Variants in GPC6 observed in about 807,000 individuals in gnomAD.
GPC6 encodes glypican 6, also known as glypican-6.
GPC6 carries 14 observed loss-of-function variants against 55.2 expected under a neutral mutation model. The ratio of observed to expected loss-of-function variants is 0.25; its 90% CI spans 0.17 to 0.40. The LOEUF is 0.40. GPC6 is among the 10% of genes least tolerant of loss of function. GPC6 has a pLI of 1.00. For synonymous variants in GPC6, 278 were observed against 259.6 expected, an observed-to-expected ratio of 1.07 and a Z score of -0.68; for missense variants, 641 against 708.5, an observed-to-expected ratio of 0.90 and a Z score of 1.08.
chr13:93,738,867 T>C (rs1180944880), intron 2 of GPC6, among the ~76,000 whole-genome samples: 1 of 152,100 alleles, frequency 6.6e-6, no homozygotes, highest in Non-Finnish European at 1.5e-5. Context: ...ACATAAAACC[T>C]GTTTTTGTTT....
At chr13:94,138,830 A>G (rs1307913078) in intron 4 of GPC6, among the ~76,000 whole-genome samples, 2 of 152,156 alleles carry the variant, frequency 1.3e-5, no homozygotes, top group African/African-American at 4.8e-5. Context: ...AGTACCTAAC[A>G]GGTACCCAAT....
chr13:93,670,457 C>G (rs1594358326), intron 2 of GPC6, among the ~76,000 whole-genome samples: 2 of 152,132 alleles, frequency 1.3e-5, no homozygotes. Context: ...TATTAATCAT[C>G]TGGCATCATA....
At chr13:93,503,733 A>G (rs1880607337) in intron 1 of GPC6, among the ~76,000 whole-genome samples, 1 of 152,302 alleles carries the variant, frequency 6.6e-6, no homozygotes, top group South Asian at 2.1e-4. Flanking sequence ...TGAGTGGTAC[A>G]GCATTGACGG....
chr13:93,308,050 C>A (rs1406253646), intron 1 of GPC6, among the ~76,000 whole-genome samples: 1 of 152,038 alleles, frequency 6.6e-6, no homozygotes, highest in African/African-American at 2.4e-5. Context: ...TTTGGGAGGC[C>A]GAGGTGGGCG....
intron 6 of GPC6, among the ~76,000 whole-genome samples, chr13:94,328,481 G>A (rs1329543519): frequency 6.6e-6 from 1 of 152,166 alleles, no homozygotes; most frequent in South Asian, 2.1e-4. Flanking sequence ...GGGGATGCTG[G>A]AACAAAGCTT....
At chr13:93,841,865 T>A (rs1235502056) in intron 3 of GPC6, among the ~76,000 whole-genome samples, 2 of 152,194 alleles carry the variant, frequency 1.3e-5, no homozygotes. Flanking sequence ...AACTTTTCTA[T>A]GTTAATTTTG....
chr13:93,307,832 T>C, intron 1 of GPC6, among the ~76,000 whole-genome samples: 1 of 152,182 alleles, frequency 6.6e-6, no homozygotes, highest in East Asian at 1.9e-4. Context: ...AGAGTGAATG[T>C]AAAGTGTTCT....
rs529668141 is a variant in GPC6 at position 93,759,111 on chromosome 13, G to A, written c.320-71043G>A. ...AGGATCTCCTCTGGCAGATAAGTCT[G>A]TCTTACCTCCCAGAGAGGCAATGTC... On this transcript the variant is annotated intron_variant, in intron 2 of 8. Transcript: ENST00000377047. Among the ~76,000 whole-genome samples the A allele has an allele frequency of 2.6e-5, 4 of 152,212 alleles. No homozygotes were observed. The South Asian group carries it at 8.3e-4, about 32-fold the overall frequency.
At chr13:93,506,515 T>G (rs1286573683) in intron 1 of GPC6, among the ~76,000 whole-genome samples, 1 of 152,120 alleles carries the variant, frequency 6.6e-6, no homozygotes, top group Non-Finnish European at 1.5e-5. Context: ...ATATGTACTT[T>G]CCTTTCCCTG....
chr13:93,542,818 C>T (rs879187121), intron 1 of GPC6, among the ~76,000 whole-genome samples: 1 of 152,082 alleles, frequency 6.6e-6, no homozygotes, highest in Non-Finnish European at 1.5e-5. Flanking sequence ...TGATTTGGCT[C>T]TCTGTTTGTC....
chr13:94,266,151 C>CTTTTTTTTTT (rs111623457), intron 4 of GPC6, among the ~76,000 whole-genome samples: 2 of 142,816 alleles, frequency 1.4e-5, no homozygotes, highest in African/African-American at 5.2e-5. Flanking sequence ...CTTTTCTTTT[C>CTTTTTTTTTT]TTTTTTTTTT....
chr13:93,638,405 A>G (rs1879783588), intron 2 of GPC6, among the ~76,000 whole-genome samples: 1 of 152,134 alleles, frequency 6.6e-6, no homozygotes, highest in Non-Finnish European at 1.5e-5. Flanking sequence ...AATGTTGACC[A>G]AAGCAAAAAT....
At chr13:93,346,187 A>AG (rs1880423137) in intron 1 of GPC6, among the ~76,000 whole-genome samples, 1 of 152,162 alleles carries the variant, frequency 6.6e-6, no homozygotes, top group South Asian at 2.1e-4. Flanking sequence ...GAGAAGGTGA[A>AG]GGGTTGAAGA....
intron 4 of GPC6, among the ~76,000 whole-genome samples, chr13:94,056,304 G>A (rs1372950391): frequency 6.6e-6 from 1 of 151,864 alleles, no homozygotes; most frequent in Non-Finnish European, 1.5e-5. Context: ...TCTAACTTCT[G>A]ATATTAATCA....
intron 2 of GPC6, among the ~76,000 whole-genome samples, chr13:93,668,230 T>C (rs1431529528): frequency 2.0e-5 from 3 of 152,228 alleles, no homozygotes; most frequent in Non-Finnish European, 4.4e-5. Context: ...TTTATTCTTT[T>C]TACCTTGACA....
At position 93,787,752 on chromosome 13, in the gene GPC6, G is replaced by C. The variant is rs762078456; in HGVS notation, c.320-42402G>C. Among the ~76,000 whole-genome samples, 3 of 152,138 alleles carry C rather than the reference G, an allele frequency of 2.0e-5. No individual in the cohort carries two copies. The South Asian group carries it at 6.2e-4, about 32-fold the overall frequency. Reference sequence around the variant, plus strand: ...TAATGTTAGCTATTATCACCCTTCTGATCTATCAAACACCAGATCTTATTT... The same window carrying C: ...TAATGTTAGCTATTATCACCCTTCTCATCTATCAAACACCAGATCTTATTT... On this transcript the variant is annotated intron_variant, in intron 2 of 8. Coordinates refer to ENST00000377047, the MANE Select transcript of GPC6 (RefSeq NM_005708.5).
rs1023538347 is a variant in GPC6, at chr13:94,368,297, G to T, written c.1153-14117G>T. Among the ~76,000 whole-genome samples the T allele has an allele frequency of 8.5e-5, 13 of 152,220 alleles. No individual in the cohort carries two copies. In the East Asian group the frequency reaches 2.3e-3, roughly 27 times the overall value. ...GGTTGAATAGTGTCTTGAGGGCTCT[G>T]TAAAATGCTGGGTGTAACATATGGT... On this transcript the variant is annotated intron_variant, in intron 6 of 8. Coordinates refer to ENST00000377047, the MANE Select transcript of GPC6 (RefSeq NM_005708.5).
chr13:93,255,374 T>C (rs899632745), intron 1 of GPC6, among the ~76,000 whole-genome samples: 1 of 152,202 alleles, frequency 6.6e-6, no homozygotes, highest in Non-Finnish European at 1.5e-5. Context: ...TCTAGCTATT[T>C]TGCAGTATAT....
chr13:93,855,152 C>A lies in GPC6; in HGVS notation c.711+24607C>A, dbSNP rs559930186. Reference sequence around the variant, plus strand: ...ACAGTATCCTACAGAATAATGCTGCCCTGAAAACTCTCTATGTCCCACCTG... The same window carrying A: ...ACAGTATCCTACAGAATAATGCTGCACTGAAAACTCTCTATGTCCCACCTG... On this transcript the variant is annotated intron_variant, in intron 3 of 8. Transcript: ENST00000377047. Among the ~76,000 whole-genome samples the A allele has an allele frequency of 2.6e-5, 4 of 151,716 alleles. No homozygotes were observed. The South Asian group carries it at 8.3e-4, about 31-fold the overall frequency.
Sources: allele counts gnomAD v4.1 joint callset (sites outside exome capture counted in the v4.1 genomes callset), GRCh38; gene constraint gnomAD v4.1.1; transcripts MANE v1.5; gene names NCBI Gene and HGNC (gene_info 2026-07-23, HGNC 2026-07-21).